The following IMPG2 variants were observed in gnomAD, a reference collection of about 807,000 sequenced individuals.
IMPG2 encodes the protein IPM 200.
IMPG2 carries 91 observed loss-of-function variants against 129.2 expected under a neutral mutation model. The observed-to-expected ratio is 0.70, with a 90% CI of 0.59 to 0.84. The LOEUF is 0.84. Among genes scored for constraint, IMPG2 ranks in the 40% least tolerant of loss-of-function variants. IMPG2 has a pLI of 0.00. For synonymous variants in IMPG2, 510 were observed against 517.7 expected, an observed-to-expected ratio of 0.99 and a Z score of 0.20; for missense variants, 1,430 against 1,461.7, an observed-to-expected ratio of 0.98 and a Z score of 0.35.
At position 101,282,714 on chromosome 3, in the gene IMPG2, T is replaced by C. The variant is rs1266672744; in HGVS notation, c.534-6001A>G. Among the ~76,000 whole-genome samples the C allele has an allele frequency of 2.0e-5, 3 of 152,106 alleles. No individual in the cohort carries two copies. The East Asian group carries it at 5.8e-4, about 29-fold the overall frequency. On this transcript the variant is annotated intron_variant, in intron 4 of 18. Coordinates refer to ENST00000193391, the MANE Select transcript of IMPG2 (RefSeq NM_016247.4). ...GAACAAACAAAACCACCCAGATGAATAGAGACCATGTAGGAATACACCAAG... is the reference window on the plus strand; with the variant it reads ...GAACAAACAAAACCACCCAGATGAACAGAGACCATGTAGGAATACACCAAG...
chr3:101,317,293 A>T (rs1315681815), intron 2 of IMPG2, among the ~76,000 whole-genome samples: 3 of 152,080 alleles, frequency 2.0e-5, no homozygotes, highest in Non-Finnish European at 2.9e-5. Flanking sequence ...TATTTTTTTT[A>T]AAAAAGAGAG....
At chr3:101,318,691 A>AT (rs1197581435) in intron 2 of IMPG2, among the ~76,000 whole-genome samples, 1 of 152,112 alleles carries the variant, frequency 6.6e-6, no homozygotes, top group African/African-American at 2.4e-5. Flanking sequence ...TAAAAGCCTC[A>AT]TTTTACAATC....
At chr3:101,299,470 C>A (rs1257894096) in intron 3 of IMPG2, among the ~76,000 whole-genome samples, 1 of 152,162 alleles carries the variant, frequency 6.6e-6, no homozygotes, top group Non-Finnish European at 1.5e-5. Flanking sequence ...GGAGAAGAGG[C>A]ACTCTGGCCT....
At chr3:101,259,615 C>A (rs1417206972) in intron 9 of IMPG2, among the ~76,000 whole-genome samples, 1 of 151,066 alleles carries the variant, frequency 6.6e-6, no homozygotes, top group African/African-American at 2.4e-5. Flanking sequence ...AAAACCGCAG[C>A]ACAATCAAGG....
chr3:101,244,142 G>A lies in IMPG2; in HGVS notation c.2189C>T (p.Ser730Phe), dbSNP rs767952192. 1 of 1,614,002 alleles carries A rather than the reference G, an allele frequency of 6.2e-7. No individual in the cohort carries two copies. The highest frequency in any genetic ancestry group is 1.3e-5 in the African/African-American group (1 of 74,930). ...APLILTSVAI[S>F]ASTDKSDQAD... Reference sequence around the variant, plus strand: ...CTGATCTGATTTATCAGTAGAGGCAGAGATTGCTACAGATGTCAGTATAAG... The same window carrying A: ...CTGATCTGATTTATCAGTAGAGGCAAAGATTGCTACAGATGTCAGTATAAG... Residue 730 changes from serine (S) to phenylalanine (F), a missense_variant, in exon 13 of 19, where the codon TCT (serine) becomes TTT (phenylalanine). Physicochemically the swap from Ser to Phe is radical, Grantham distance 155 (BLOSUM62 -2). Coordinates refer to ENST00000193391, the MANE Select transcript of IMPG2 (RefSeq NM_016247.4).
chr3:101,314,972 A>C (rs928153544), intron 2 of IMPG2, among the ~76,000 whole-genome samples: 8 of 152,068 alleles, frequency 5.3e-5, no homozygotes, highest in Non-Finnish European at 8.8e-5. Context: ...GTCAAAATGC[A>C]GGCTCACTAG....
intron 9 of IMPG2, among the ~76,000 whole-genome samples, chr3:101,261,650 T>C (rs933155270): frequency 3.3e-5 from 5 of 152,120 alleles, no homozygotes; most frequent in African/African-American, 1.2e-4. Flanking sequence ...GTTTTTGTTC[T>C]GGAAAGGGAA....
rs188327245 is a variant in IMPG2 at position 101,263,197 on chromosome 3, T to C, written c.908+4314A>G. On this transcript the variant is annotated intron_variant, in intron 9 of 18. Transcript: ENST00000193391. ...GATTTAAACTGCACCACAGACTAAG[T>C]GGCCCTCACAGATATTTACAGAACA... 6.8e-4 allele frequency among the ~76,000 whole-genome samples: 103 copies of C among 152,092 alleles called. No homozygotes were observed. The Middle Eastern group carries it at 0.014, about 20-fold the overall frequency.
chr3:101,320,575 T>C lies in IMPG2; in HGVS notation c.-203A>G. 1.8e-6 allele frequency: 1 copy of C among 568,938 alleles called. No homozygotes were observed. Among genetic ancestry groups the C allele is most frequent in the Middle Eastern group, 4.9e-4 (1 of 2,042 alleles). 35.2% of individuals were successfully genotyped at this position (568,938 alleles called of 1,614,324 possible). A position where few individuals can be genotyped will look rare whatever the true frequency, so the allele number is the denominator to read the frequency against. On this transcript the variant is annotated 5_prime_UTR_variant, in exon 1 of 19. Transcript: ENST00000193391. ...TTCAAAGTAGCTCTCACTTCTTTTC[T>C]GAAATAACCAGCATGCTATAAAAGC...
intron 11 of IMPG2, among the ~76,000 whole-genome samples, chr3:101,249,600 T>C (rs908712799): frequency 1.3e-5 from 2 of 151,946 alleles, no homozygotes; most frequent in Non-Finnish European, 2.9e-5. Context: ...TATCTAGGAA[T>C]TAGACTGGAG....
chr3:101,242,630 C>T, intron 14 of IMPG2, 58 bp downstream of exon 14: 3 of 1,286,930 alleles, frequency 2.3e-6, no homozygotes, highest in South Asian at 2.4e-5. Flanking sequence ...AGGAAGAAAA[C>T]ACACAAGAAT....
chr3:101,270,544 A>C (rs113454722), intron 7 of IMPG2, among the ~76,000 whole-genome samples: 2,133 of 152,252 alleles, frequency 0.014, 53 homozygotes, highest in African/African-American at 0.049. Flanking sequence ...GATTGGACTA[A>C]AGATGTAAAA....
intron 9 of IMPG2, among the ~76,000 whole-genome samples, chr3:101,261,166 T>G (rs1706665748): frequency 6.6e-6 from 1 of 152,180 alleles, no homozygotes; most frequent in African/African-American, 2.4e-5. Flanking sequence ...CTTAGCGTGA[T>G]AGACCATATC....
At chr3:101,292,026 A>G (rs1489407731) in intron 3 of IMPG2, among the ~76,000 whole-genome samples, 1 of 152,154 alleles carries the variant, frequency 6.6e-6, no homozygotes, top group African/African-American at 2.4e-5. Context: ...TTTCCCCTAA[A>G]TTAGGATTGT....
intron 18 of IMPG2, 97 bp downstream of exon 18, chr3:101,228,700 A>G: frequency 1.0e-6 from 1 of 961,028 alleles, no homozygotes; most frequent in Non-Finnish European, 1.7e-6. Context: ...CTCCTGTCAC[A>G]TGGACAGGAA....
chr3:101,306,732 T>C (rs949710798), intron 2 of IMPG2, among the ~76,000 whole-genome samples: 2 of 151,942 alleles, frequency 1.3e-5, no homozygotes, highest in South Asian at 2.1e-4. Flanking sequence ...GCCTTCTTCA[T>C]ACTATACACA....
chr3:101,303,849 A>T (rs1472194537), intron 3 of IMPG2, among the ~76,000 whole-genome samples: 1 of 152,212 alleles, frequency 6.6e-6, no homozygotes, highest in Admixed American at 6.5e-5. Flanking sequence ...ACCTTTGCTG[A>T]ATATTATTTC....
chr3:101,279,228 T>C (rs891425041), intron 4 of IMPG2, among the ~76,000 whole-genome samples: 7 of 152,210 alleles, frequency 4.6e-5, no homozygotes, highest in African/African-American at 1.4e-4. Context: ...AAGTGCTTTA[T>C]TTAGGTTAAC....
intron 2 of IMPG2, among the ~76,000 whole-genome samples, chr3:101,314,890 T>C (rs963309334): frequency 2.0e-5 from 3 of 152,038 alleles, no homozygotes; most frequent in African/African-American, 7.2e-5. Context: ...CTCCAAAATA[T>C]GAAACTTTTT....
Sources: gnomAD v4.1 joint callset for allele counts (sites outside exome capture counted in the v4.1 genomes callset) on GRCh38, gnomAD v4.1.1 for gene constraint, MANE v1.5 for transcripts, NCBI Gene and HGNC (gene_info 2026-07-23, HGNC 2026-07-21) for gene names.